Variants in GNG12 observed in about 807,000 individuals in gnomAD.
The protein encoded by GNG12 is G protein subunit gamma 12.
For missense variants in GNG12, 69 were observed against 83.8 expected (o/e 0.82, Z 0.69); for synonymous variants, 28 against 29.7 (o/e 0.94, Z 0.19).
intron 1 of GNG12, among the ~76,000 whole-genome samples, chr1:67,778,456 C>T (rs1412728341): frequency 6.6e-6 from 1 of 152,110 alleles, no homozygotes; most frequent in Non-Finnish European, 1.5e-5. Context: ...AGATCTTATT[C>T]ACCTATTTTC....
At chr1:67,749,451 C>T (rs1646526107) in intron 2 of GNG12, among the ~76,000 whole-genome samples, 1 of 152,192 alleles carries the variant, frequency 6.6e-6, no homozygotes, top group African/African-American at 2.4e-5. Context: ...TTTGCTGCTA[C>T]TGATGATGAT....
At chr1:67,761,160 C>G (rs145460216) in intron 2 of GNG12, among the ~76,000 whole-genome samples, 35 of 152,276 alleles carry the variant, frequency 2.3e-4, no homozygotes, top group African/African-American at 8.2e-4. Flanking sequence ...GTTTTCCTGA[C>G]CAAGAGTCTA....
intron 1 of GNG12, among the ~76,000 whole-genome samples, chr1:67,789,774 T>C (rs1479734468): frequency 6.6e-6 from 1 of 152,112 alleles, no homozygotes; most frequent in Non-Finnish European, 1.5e-5. Context: ...AGACCTTTGG[T>C]GTAGATGAGC....
At chr1:67,804,863 T>C (rs1167218159) in intron 1 of GNG12, among the ~76,000 whole-genome samples, 2 of 152,132 alleles carry the variant, frequency 1.3e-5, no homozygotes, top group Non-Finnish European at 2.9e-5. Context: ...TTGTGAGTTT[T>C]ACCTCTAGAA....
At chr1:67,812,401 A>G (rs1646931283) in intron 1 of GNG12, among the ~76,000 whole-genome samples, 1 of 152,238 alleles carries the variant, frequency 6.6e-6, no homozygotes, top group African/African-American at 2.4e-5. Flanking sequence ...ACACTGAGGT[A>G]TGGGCAGACT....
rs114095422 is a variant in GNG12, at chr1:67,774,017, C to T, written c.-27+3441G>A. ...CAGCTGTCACATCATTCACCTGCAC[C>T]GAGGCAGTCGTCATTGTTTTACCTA... On this transcript the variant is annotated intron_variant, in intron 2 of 3. Coordinates refer to ENST00000370982, the MANE Select transcript of GNG12 (RefSeq NM_018841.6). Among the ~76,000 whole-genome samples the T allele has an allele frequency of 2.6e-3, 403 of 152,302 alleles. 3 individuals carry two copies. The highest frequency in any genetic ancestry group is 9.0e-3 in the African/African-American group (376 of 41,564).
chr1:67,817,647 T>C (rs1368607993), intron 1 of GNG12, among the ~76,000 whole-genome samples: 1 of 152,206 alleles, frequency 6.6e-6, no homozygotes, highest in African/African-American at 2.4e-5. Flanking sequence ...TGTCATTATT[T>C]GTTTTTGTGT....
chr1:67,712,966 T>A (rs1203200279), intron 2 of GNG12, among the ~76,000 whole-genome samples: 1 of 152,144 alleles, frequency 6.6e-6, no homozygotes, highest in East Asian at 1.9e-4. Flanking sequence ...TGACCTCTGG[T>A]GATCCGCCTG....
intron 2 of GNG12, among the ~76,000 whole-genome samples, chr1:67,749,787 A>G (rs1329731233): frequency 6.6e-6 from 1 of 151,960 alleles, no homozygotes; most frequent in African/African-American, 2.4e-5. Flanking sequence ...TTTATCCACA[A>G]CTTGTTCCCC....
At chr1:67,766,106 G>GCGCACACACACA (rs1237928914) in intron 2 of GNG12, among the ~76,000 whole-genome samples, 3 of 139,836 alleles carry the variant, frequency 2.1e-5, no homozygotes, top group African/African-American at 8.2e-5. Flanking sequence ...AGGCACACAC[G>GCGCACACACACA]CACACACACA....
At chr1:67,805,514 T>C (rs1482281546) in intron 1 of GNG12, among the ~76,000 whole-genome samples, 1 of 152,016 alleles carries the variant, frequency 6.6e-6, no homozygotes, top group Non-Finnish European at 1.5e-5. Flanking sequence ...AAGACAGAAA[T>C]AAAGAATGCC....
intron 1 of GNG12, among the ~76,000 whole-genome samples, chr1:67,808,316 C>A (rs1646904760): frequency 6.6e-6 from 1 of 152,004 alleles, no homozygotes; most frequent in South Asian, 2.1e-4. Context: ...ACTTCCTCAA[C>A]TTGATAAAGA....
intron 1 of GNG12, among the ~76,000 whole-genome samples, chr1:67,787,302 A>G (rs1646776610): frequency 6.6e-6 from 1 of 152,038 alleles, no homozygotes; most frequent in Non-Finnish European, 1.5e-5. Context: ...GGGAGGTACA[A>G]GTAAGGTAGA....
chr1:67,740,388 T>TAA (rs1646476421), intron 2 of GNG12, among the ~76,000 whole-genome samples: 1 of 152,238 alleles, frequency 6.6e-6, no homozygotes, highest in African/African-American at 2.4e-5. Flanking sequence ...ATGATTTTTG[T>TAA]AAATAAAGTT....
intron 2 of GNG12, among the ~76,000 whole-genome samples, chr1:67,759,639 T>C (rs1474793201): frequency 2.0e-5 from 3 of 152,192 alleles, no homozygotes; most frequent in African/African-American, 7.2e-5. Context: ...TATAATACCT[T>C]ATACATAGTA....
chr1:67,715,117 C>T (rs1381749608), intron 2 of GNG12, among the ~76,000 whole-genome samples: 2 of 152,176 alleles, frequency 1.3e-5, no homozygotes, highest in East Asian at 1.9e-4. Context: ...TGGGGTTTCA[C>T]CATGTTGGCC....
intron 1 of GNG12, among the ~76,000 whole-genome samples, chr1:67,823,391 C>A (rs1262473898): frequency 1.3e-5 from 2 of 152,092 alleles, no homozygotes. Flanking sequence ...GCATAAAACC[C>A]TACTTTCCAC....
intron 2 of GNG12, among the ~76,000 whole-genome samples, chr1:67,775,206 G>A (rs1320979396): frequency 6.6e-6 from 1 of 152,120 alleles, no homozygotes; most frequent in African/African-American, 2.4e-5. Context: ...GATCTTCCTA[G>A]CAATTGTCTA....
chr1:67,753,092 T>C (rs1016128160), intron 2 of GNG12, among the ~76,000 whole-genome samples: 2 of 152,372 alleles, frequency 1.3e-5, no homozygotes, highest in African/African-American at 4.8e-5. Context: ...GCAGGACCCA[T>C]GTCTTACTTA....
Sources: allele counts gnomAD v4.1 joint callset (sites outside exome capture counted in the v4.1 genomes callset), GRCh38; gene constraint gnomAD v4.1.1; transcripts MANE v1.5; gene names NCBI Gene and HGNC (gene_info 2026-07-23, HGNC 2026-07-21).